RNF213: variants seen among roughly 807,000 people sequenced by gnomAD.
RNF213 encodes the protein E3 ubiquitin-protein ligase RNF213.
In RNF213, 341 loss-of-function variants were observed where a neutral mutation model predicts 514.4. That is an observed-to-expected ratio of 0.66 (90% confidence interval 0.61 to 0.73). The LOEUF is 0.73. Ranked by LOEUF, RNF213 falls within the 30% of genes least tolerant of loss-of-function variation. The probability of loss-of-function intolerance (pLI) is 0.00; values close to 1 mark genes in which losing one functional copy is unlikely to be tolerated. For missense variants in RNF213, 5,767 were observed against 6,615.6 expected, an observed-to-expected ratio of 0.87 and a Z score of 4.45; for synonymous variants, 2,655 against 2,658.2, an observed-to-expected ratio of 1.00 and a Z score of 0.04.
chr17:80,327,757 C>A, intron 18 of RNF213, 59 bp from the exon 19 acceptor site: 2 of 1,409,914 alleles, frequency 1.4e-6, no homozygotes, highest in Middle Eastern at 1.9e-4. Context: ...CCCACGGTAA[C>A]GGCAAAGAGG....
chr17:80,289,522 G>A lies in RNF213; in HGVS notation c.934-137G>A, dbSNP rs140944665. On this transcript the variant is annotated intron_variant, in intron 5 of 67. Coordinates refer to ENST00000582970, the MANE Select transcript of RNF213 (RefSeq NM_001256071.3). The stretch of plus-strand genomic sequence containing the variant: ...GGAGAATTGCTTGAGCCTGGGAGGC[G>A]GAGGTTGCAGTGAGCTGAGATCGCA... The A allele has an allele frequency of 3.0e-3, 2,630 of 890,360 alleles. 46 individuals are homozygous for A. The African/African-American group carries it at 0.038, about 13-fold the overall frequency. 55.2% of individuals were successfully genotyped at this position (890,360 alleles called of 1,614,324 possible).
At chr17:80,323,193 CG>C (rs2046192421) in intron 17 of RNF213, among the ~76,000 whole-genome samples, 2 of 152,166 alleles carry the variant, frequency 1.3e-5, no homozygotes, top group Admixed American at 6.5e-5. Context: ...AATCTGTTGA[CG>C]ATACATGTAT....
intron 10 of RNF213, among the ~76,000 whole-genome samples, chr17:80,297,064 A>G (rs539537225): frequency 2.6e-4 from 39 of 152,336 alleles, no homozygotes; most frequent in Admixed American, 2.4e-3. Context: ...GTACAGAGTT[A>G]GTGCCGGGGC....
rs748231907 is a variant in RNF213 at position 80,336,354 on chromosome 17, G to C, written c.4503G>C (p.Lys1501Asn). The change falls in exon 23 of 68, where the codon AAG becomes AAC. Residue 1501 changes from lysine to asparagine, a missense_variant. This residue lies in a region of RNF213 where 1,377 missense variants were observed against 1,635.2 expected (regional missense o/e 0.84). Coordinates refer to ENST00000582970, the MANE Select transcript of RNF213 (RefSeq NM_001256071.3). ...AAAAGCTGTGGAAGGCTCTGGATAAGGACCAGTACCTGCCCAGGAAACTGG... is the reference window on the plus strand; with the variant it reads ...AAAAGCTGTGGAAGGCTCTGGATAACGACCAGTACCTGCCCAGGAAACTGG... ...HLKKLWKALDKDQYLPRKLCD... is the reference protein window; with the variant it reads ...HLKKLWKALDNDQYLPRKLCD... 3.9e-5 allele frequency: 60 copies of C among 1,537,178 alleles called. No individual in the cohort carries two copies. Among genetic ancestry groups the C allele is most frequent in the Non-Finnish European group, 4.4e-5 (50 of 1,146,928 alleles).
chr17:80,273,438 G>A (rs768969447), intron 3 of RNF213, 34 bp downstream of exon 3: 8 of 1,608,122 alleles, frequency 5.0e-6, no homozygotes, highest in South Asian at 2.2e-5. Context: ...CTCCGCCCCC[G>A]CTCACTCTGC....
intron 63 of RNF213, 69 bp from the exon 64 acceptor site, chr17:80,388,543 T>C: frequency 9.3e-7 from 1 of 1,075,078 alleles, no homozygotes; most frequent in South Asian, 1.2e-5. Flanking sequence ...CTGCAGATTC[T>C]GTTTGTCATC....
At chr17:80,305,433 C>T (rs1367397421) in intron 11 of RNF213, among the ~76,000 whole-genome samples, 1 of 152,012 alleles carries the variant, frequency 6.6e-6, no homozygotes, top group East Asian at 1.9e-4. Context: ...CTGCCTCGGC[C>T]TCCCAAAGTG....
chr17:80,306,851 CAAAAA>C (rs67070144), intron 12 of RNF213, among the ~76,000 whole-genome samples: 1 of 105,502 alleles, frequency 9.5e-6, no homozygotes, highest in African/African-American at 3.2e-5. Context: ...GACTCCATCT[CAAAAA>C]AAAAAAAAAA....
chr17:80,281,526 TGCCCCA>T (rs2044287628), intron 3 of RNF213, among the ~76,000 whole-genome samples: 2 of 24,820 alleles, frequency 8.1e-5, no homozygotes, highest in South Asian at 1.5e-3. Flanking sequence ...AACACACACA[TGCCCCA>T]CTCATACCAC....
chr17:80,270,518 G>T (rs1045420925), intron 2 of RNF213, among the ~76,000 whole-genome samples: 1 of 152,208 alleles, frequency 6.6e-6, no homozygotes, highest in East Asian at 1.9e-4. Context: ...TCTCTCCAGC[G>T]TTCAGAATGA....
intron 11 of RNF213, among the ~76,000 whole-genome samples, chr17:80,299,613 G>A (rs2143473885): frequency 6.6e-6 from 1 of 151,870 alleles, no homozygotes; most frequent in South Asian, 2.1e-4. Flanking sequence ...TTGTTATATA[G>A]ATAAACTTGT....
rs549296814 is a variant in RNF213, at chr17:80,394,878, A to G, written c.*1380A>G. ...TTTAGTCATCTGTGATTGTTTTATC[A>G]CTCTGGACTGTGCAGAGCCACCTGC... On this transcript the variant is annotated 3_prime_UTR_variant, in exon 68 of 68. Coordinates refer to ENST00000582970, the MANE Select transcript of RNF213 (RefSeq NM_001256071.3). 1 of 151,846 alleles carries G rather than the reference A, an allele frequency of 6.6e-6. No homozygotes were observed. Among genetic ancestry groups the G allele is most frequent in the Non-Finnish European group, 1.5e-5 (1 of 67,958 alleles). 9.4% of individuals were successfully genotyped at this position (151,846 alleles called of 1,614,324 possible).
At chr17:80,281,624 A>ACCCCCAACATACATATCCCACT (rs2044301897) in intron 3 of RNF213, among the ~76,000 whole-genome samples, 1 of 57,944 alleles carries the variant, frequency 1.7e-5, no homozygotes, top group Non-Finnish European at 4.0e-5. Flanking sequence ...CCACTCACAC[A>ACCCCCAACATACATATCCCACT]CACCCCCAAC....
At position 80,275,959 on chromosome 17, in the gene RNF213, G is replaced by A. The variant is rs568315970; in HGVS notation, c.261+2555G>A. On this transcript the variant is annotated intron_variant, in intron 3 of 67. Transcript: ENST00000582970. ...TTACAGGCGTGAGCCACCATGCCTG[G>A]CCAGTTTTTTTTTTTCTTTTTTCTT... 3.3e-5 allele frequency among the ~76,000 whole-genome samples: 5 copies of A among 149,740 alleles called. No individual in the cohort carries two copies. The South Asian group carries it at 1.1e-3, about 32-fold the overall frequency.
At chr17:80,383,407 C>G (rs993749267) in intron 58 of RNF213, among the ~76,000 whole-genome samples, 4 of 152,170 alleles carry the variant, frequency 2.6e-5, no homozygotes, top group African/African-American at 9.7e-5. Context: ...TAAAAATGAA[C>G]TGACAATCAT....
chr17:80,367,784 C>T lies in RNF213; in HGVS notation c.11908C>T (p.Pro3970Ser). ...GAACTCTGACGTGAAGACGCACGGG[C>T]CTTTTGAGGCCGTGATGCGCACTCT... Reference protein sequence around the residue: ...RENSDVKTHGPFEAVMRTLCE... With the variant: ...RENSDVKTHGSFEAVMRTLCE... The change falls in exon 43 of 68, where the codon CCT (proline) becomes TCT (serine). Residue 3970 changes from proline to serine, a missense_variant. Pro to Ser is a moderately conservative substitution (Grantham distance 74). Around this residue, in one of 13 missense-constraint regions of RNF213, gnomAD observed 355 missense variants for 358.0 expected, o/e 0.99. Coordinates refer to ENST00000582970, the MANE Select transcript of RNF213 (RefSeq NM_001256071.3). 6.2e-7 allele frequency: 1 copy of T among 1,614,236 alleles called. No individual in the cohort carries two copies. The highest frequency in any genetic ancestry group is 1.3e-5 in the African/African-American group (1 of 75,068).
chr17:80,368,861 C>T (rs1483168652), intron 44 of RNF213, among the ~76,000 whole-genome samples: 3 of 152,178 alleles, frequency 2.0e-5, no homozygotes, highest in East Asian at 3.9e-4. Flanking sequence ...GGCCTCAGCC[C>T]GGCTCTGTGA....
chr17:80,346,681 G>A lies in RNF213; in HGVS notation c.8346G>A (p.Val2782=), dbSNP rs1322187343. Residue 2782 remains valine (V), a synonymous_variant, in exon 29 of 68, where the codon GTG becomes GTA. Coordinates refer to ENST00000582970, the MANE Select transcript of RNF213 (RefSeq NM_001256071.3). This position sits in a 1 kb window ranked among gnomAD's most constrained non-coding sequence, Gnocchi z 8.1. ...GSSKSLAKTI[V]ADAMQGPAAY... is the part of the protein sequence containing the mutation. Reference sequence around the variant, plus strand: ...CCAAGTCTCTCGCCAAGACCATCGTGGCAGACGCCATGCAGGGCCCGGCTG... The same window carrying A: ...CCAAGTCTCTCGCCAAGACCATCGTAGCAGACGCCATGCAGGGCCCGGCTG... 4.3e-6 allele frequency: 7 copies of A among 1,611,258 alleles called. No homozygotes were observed. The highest frequency in any genetic ancestry group is 2.2e-5 in the East Asian group (1 of 44,882).
rs1418558900 is a variant in RNF213, at chr17:80,337,548, C to T, written c.4528-38C>T. On this transcript the variant is annotated intron_variant, in intron 23 of 67. Transcript: ENST00000582970. Reference sequence around the variant, plus strand: ...GAGGGAGAAGGGCAAGATCCTCGCTCCAACCGTGGCCCGTGTTCTCTCCTT... The same window carrying T: ...GAGGGAGAAGGGCAAGATCCTCGCTTCAACCGTGGCCCGTGTTCTCTCCTT... 2.0e-6 allele frequency: 3 copies of T among 1,533,028 alleles called. No individual in the cohort carries two copies. The African/African-American group carries it at 4.1e-5, about 21-fold the overall frequency. The allele number at this position is 1,533,028 out of a possible 1,614,324, so 95.0% of individuals were successfully genotyped here. A position where few individuals can be genotyped will look rare whatever the true frequency, so the allele number is the denominator to read the frequency against.
Sources: allele counts gnomAD v4.1 joint callset (sites outside exome capture counted in the v4.1 genomes callset), GRCh38; gene constraint gnomAD v4.1.1; regional missense constraint gnomAD v4.1.1; non-coding constraint Gnocchi (gnomAD v3.1); transcripts MANE v1.5; gene names NCBI Gene and HGNC (gene_info 2026-07-23, HGNC 2026-07-21).